GKAP1: variants seen among roughly 807,000 people sequenced by gnomAD.
GKAP1 encodes G kinase anchoring protein 1, also known as G kinase-anchoring protein 1.
In GKAP1, 31 loss-of-function variants were observed where a neutral mutation model predicts 56.7. That is an observed-to-expected ratio of 0.55 (90% CI 0.41 to 0.74). The LOEUF is 0.74. GKAP1 is among the 30% of genes least tolerant of loss of function. The pLI is 0.00. For missense variants in GKAP1, 364 were observed against 402.3 expected, an observed-to-expected ratio of 0.90 and a Z score of 0.82; for synonymous variants, 151 against 138.6, an observed-to-expected ratio of 1.09 and a Z score of -0.63.
chr9:83,746,310 C>T (rs1025741705), intron 10 of GKAP1, among the ~76,000 whole-genome samples: 2 of 152,118 alleles, frequency 1.3e-5, no homozygotes, highest in African/African-American at 2.4e-5. Context: ...TGCAGGACAT[C>T]CCGAGGACAC....
chr9:83,785,341 T>C (rs909692511), intron 5 of GKAP1, among the ~76,000 whole-genome samples: 1 of 152,212 alleles, frequency 6.6e-6, no homozygotes, highest in Non-Finnish European at 1.5e-5. Context: ...TATCCCACTC[T>C]TAACCTATTT....
intron 7 of GKAP1, among the ~76,000 whole-genome samples, chr9:83,777,236 A>G (rs1943879159): frequency 6.6e-6 from 1 of 152,210 alleles, no homozygotes; most frequent in Non-Finnish European, 1.5e-5. Flanking sequence ...AGACTTCAAG[A>G]CATATGATGA....
At chr9:83,805,472 TA>T (rs1018192887) in intron 3 of GKAP1, among the ~76,000 whole-genome samples, 2,087 of 55,082 alleles carry the variant, frequency 0.038, 41 homozygotes, top group African/African-American at 0.15. Context: ...ATAAAAAAAA[TA>T]AAAAATAAAA....
At chr9:83,743,519 C>A (rs976797489) in intron 10 of GKAP1, among the ~76,000 whole-genome samples, 2 of 151,702 alleles carry the variant, frequency 1.3e-5, no homozygotes, top group Non-Finnish European at 2.9e-5. Context: ...CACTTCAACC[C>A]ATGAGGCGGA....
At chr9:83,789,730 T>C (rs1342978007) in intron 4 of GKAP1, among the ~76,000 whole-genome samples, 1 of 151,234 alleles carries the variant, frequency 6.6e-6, no homozygotes, top group Admixed American at 6.7e-5. Context: ...AATTCCTTTT[T>C]TTTCCTCCCA....
intron 3 of GKAP1, among the ~76,000 whole-genome samples, chr9:83,804,132 GC>G (rs367638051): frequency 0.051 from 7,614 of 147,986 alleles, 340 homozygotes; most frequent in East Asian, 0.25. Context: ...AGGGGGGTCA[GC>G]CCCCCGCACG....
intron 8 of GKAP1, among the ~76,000 whole-genome samples, chr9:83,754,440 G>A (rs993967324): frequency 6.6e-6 from 1 of 152,162 alleles, no homozygotes; most frequent in African/African-American, 2.4e-5. Flanking sequence ...TCTAGGAGCT[G>A]AGTACACCAT....
At chr9:83,784,953 A>C (rs1410069470) in intron 5 of GKAP1, 115 bp from the exon 6 acceptor site, 4 of 799,026 alleles carry the variant, frequency 5.0e-6, no homozygotes, top group Non-Finnish European at 7.3e-6. Context: ...CAAATAAAAA[A>C]CCAAAATTTA....
chr9:83,756,605 G>A (rs898113994), intron 8 of GKAP1, among the ~76,000 whole-genome samples: 1 of 151,638 alleles, frequency 6.6e-6, no homozygotes, highest in Non-Finnish European at 1.5e-5. Context: ...TATATCCATA[G>A]TAAGACCACA....
intron 4 of GKAP1, among the ~76,000 whole-genome samples, chr9:83,793,231 T>C (rs934135165): frequency 1.3e-5 from 2 of 152,202 alleles, no homozygotes; most frequent in African/African-American, 4.8e-5. Flanking sequence ...TCAATTCTCA[T>C]AGGCAACATG....
At chr9:83,816,881 G>A (rs1448503448) in intron 2 of GKAP1, 115 bp downstream of exon 2, 5 of 152,186 alleles carry the variant, frequency 3.3e-5, no homozygotes, top group South Asian at 2.1e-4. Context: ...TAATGCTAGA[G>A]ATCTGACAAA....
chr9:83,746,241 T>C (rs1224358662), intron 10 of GKAP1, among the ~76,000 whole-genome samples: 5 of 152,222 alleles, frequency 3.3e-5, no homozygotes, highest in African/African-American at 2.4e-5. Flanking sequence ...GTAATGTAGT[T>C]TAAATTTTGT....
At chr9:83,779,548 C>CGTATAT (rs1564201765) in intron 7 of GKAP1, among the ~76,000 whole-genome samples, 7 of 91,134 alleles carry the variant, frequency 7.7e-5, no homozygotes, top group African/African-American at 1.4e-4. Flanking sequence ...TATATATACA[C>CGTATAT]GTGTATATGT....
In GKAP1 at chr9:83,778,848, T is replaced by C. The variant is rs899485581; in HGVS notation, c.585+1534A>G. ...AATCTTCAAAATGAATTTTATTATA[T>C]ATCAGATTATTTAACAAGACAGAAC... On this transcript the variant is annotated intron_variant, in intron 7 of 12. Transcript: ENST00000376371. Among the ~76,000 whole-genome samples, 4 of 150,158 alleles carry C rather than the reference T, an allele frequency of 2.7e-5. No individual in the cohort carries two copies. In the East Asian group the frequency reaches 5.8e-4, roughly 22 times the overall value.
At chr9:83,743,842 T>C (rs1355017873) in intron 10 of GKAP1, among the ~76,000 whole-genome samples, 4 of 152,202 alleles carry the variant, frequency 2.6e-5, no homozygotes, top group Non-Finnish European at 5.9e-5. Flanking sequence ...TTTGGCCCTA[T>C]GTTTCCTAAG....
chr9:83,817,185 C>T (rs2131338302), intron 1 of GKAP1, 58 bp from the exon 2 acceptor site: 1 of 152,138 alleles, frequency 6.6e-6, no homozygotes, highest in Non-Finnish European at 1.5e-5. Flanking sequence ...CGCCCGGCTC[C>T]CCGGGAGGGA....
intron 8 of GKAP1, 30 bp from the exon 9 acceptor site, chr9:83,753,389 T>A (rs1345612133): frequency 3.0e-6 from 4 of 1,315,950 alleles, no homozygotes; most frequent in Non-Finnish European, 4.4e-6. Context: ...ACTTTAGGAC[T>A]TTGATTATTC....
At chr9:83,748,277 C>A in intron 10 of GKAP1, 32 bp downstream of exon 10, 1 of 1,443,464 alleles carries the variant, frequency 6.9e-7, no homozygotes. Context: ...TTAAGATAAA[C>A]TTTTAATTAC....
intron 2 of GKAP1, among the ~76,000 whole-genome samples, 190 bp downstream of exon 2, chr9:83,816,806 A>T (rs1035248855): frequency 1.3e-5 from 2 of 152,232 alleles, no homozygotes; most frequent in African/African-American, 4.8e-5. Context: ...GGAGGAAGAG[A>T]AAAGGCAATC....
Sources: gnomAD v4.1 joint callset for allele counts (sites outside exome capture counted in the v4.1 genomes callset) on GRCh38, gnomAD v4.1.1 for gene constraint, MANE v1.5 for transcripts, NCBI Gene and HGNC (gene_info 2026-07-23, HGNC 2026-07-21) for gene names.